Variants in QRFPR observed in about 807,000 individuals in gnomAD.
QRFPR encodes the protein pyroglutamylated RF-amide peptide receptor.
In QRFPR, 37 loss-of-function variants were observed where a neutral mutation model predicts 31.3. That is an observed-to-expected ratio of 1.18 (90% CI 0.91 to 1.56). The LOEUF is 1.56. QRFPR is among the 40% of genes most tolerant of loss of function. The pLI, the probability that QRFPR is intolerant of heterozygous loss-of-function variation, is 0.00. For synonymous variants in QRFPR, 197 were observed against 192.0 expected (o/e 1.03, Z -0.22); for missense variants, 542 against 532.5 (o/e 1.02, Z -0.18).
rs1262484473 is a variant in QRFPR at position 121,329,466 on chromosome 4, G to C, written c.1144C>G (p.Pro382Ala). Residue 382 changes from proline (P) to alanine (A), a missense_variant, in exon 6 of 6, where the codon CCA becomes GCA. Pro to Ala is a conservative substitution (Grantham distance 27). Transcript: ENST00000394427. Reference sequence around the variant, plus strand: ...GCTTCTCCTTTGGTTTCCTCCACTGGATTCTCTCTGAGGGAAAACTTTGCT... The same window carrying C: ...GCTTCTCCTTTGGTTTCCTCCACTGCATTCTCTCTGAGGGAAAACTTTGCT... ...KKAKFSLREN[P>A]VEETKGEAFS... 1 of 1,614,068 alleles carries C rather than the reference G, an allele frequency of 6.2e-7. No homozygotes were observed. The highest frequency in any genetic ancestry group is 8.5e-7 in the Non-Finnish European group (1 of 1,179,996).
At chr4:121,346,210 T>C (rs1725645903) in intron 1 of QRFPR, among the ~76,000 whole-genome samples, 1 of 152,228 alleles carries the variant, frequency 6.6e-6, no homozygotes, top group Non-Finnish European at 1.5e-5. Flanking sequence ...CTTAATTTCA[T>C]GTGCCAAATA....
At chr4:121,377,764 G>A (rs1054613090) in intron 1 of QRFPR, among the ~76,000 whole-genome samples, 6 of 152,152 alleles carry the variant, frequency 3.9e-5, no homozygotes, top group African/African-American at 1.4e-4. Context: ...GGTCCTGAAG[G>A]GCACAGATAG....
rs969433220 is a variant in QRFPR, at chr4:121,377,481, C to A, written c.340+2827G>T. 2.0e-5 allele frequency among the ~76,000 whole-genome samples: 3 copies of A among 152,014 alleles called. No homozygotes were observed. In the South Asian group the frequency reaches 6.2e-4, roughly 32 times the overall value. ...ATTTCCTGCCATTCCCCACATATAA[C>A]CTGTGCATTCTTGCAATGCCTTGCA... On this transcript the variant is annotated intron_variant, in intron 1 of 5. Coordinates refer to ENST00000394427, the MANE Select transcript of QRFPR (RefSeq NM_198179.3).
intron 3 of QRFPR, among the ~76,000 whole-genome samples, chr4:121,334,983 T>A (rs1335228835): frequency 1.3e-5 from 2 of 152,142 alleles, no homozygotes; most frequent in Non-Finnish European, 2.9e-5. Flanking sequence ...CCTCAGGAAG[T>A]CTTTGCTTGT....
At chr4:121,358,669 G>A (rs558000126) in intron 1 of QRFPR, among the ~76,000 whole-genome samples, 18 of 152,202 alleles carry the variant, frequency 1.2e-4, no homozygotes, top group Non-Finnish European at 2.5e-4. Context: ...TCATAAACTT[G>A]TGGTGTTTTG....
chr4:121,380,697 TC>T lies in QRFPR; in HGVS notation c.-51del, dbSNP rs1726476610. 1 of 1,452,634 alleles carries T rather than the reference TC, an allele frequency of 6.9e-7. No homozygotes were observed. Among genetic ancestry groups the T allele is most frequent in the East Asian group, 2.5e-5 (1 of 40,264 alleles). 90.0% of individuals were successfully genotyped at this position (1,452,634 alleles called of 1,614,324 possible). A position where few individuals can be genotyped will look rare whatever the true frequency, so the allele number is the denominator to read the frequency against. The stretch of plus-strand genomic sequence containing the variant: ...GCCACCGCCCGCTACTGGCTGGCCA[TC>T]CGCATCTGCGGGGCAGCGAGGGCTT... On this transcript the variant is annotated 5_prime_UTR_variant, in exon 1 of 6. The change abolishes the stop of an existing upstream ORF in the 5' untranslated region. Coordinates refer to ENST00000394427, the MANE Select transcript of QRFPR (RefSeq NM_198179.3).
At chr4:121,351,305 T>C (rs553245701) in intron 1 of QRFPR, among the ~76,000 whole-genome samples, 2 of 152,322 alleles carry the variant, frequency 1.3e-5, no homozygotes, top group South Asian at 2.1e-4. Context: ...CCACAGCTCA[T>C]ATGAATTCTG....
chr4:121,375,507 T>C (rs547818702), intron 1 of QRFPR, among the ~76,000 whole-genome samples: 2 of 152,334 alleles, frequency 1.3e-5, no homozygotes, highest in South Asian at 4.1e-4. Context: ...CATAGTGCCA[T>C]TAATAATACT....
At chr4:121,353,249 G>A (rs962984194) in intron 1 of QRFPR, among the ~76,000 whole-genome samples, 3 of 152,010 alleles carry the variant, frequency 2.0e-5, no homozygotes, top group Non-Finnish European at 4.4e-5. Flanking sequence ...GGGACTGCTG[G>A]ATTGTATGGT....
rs1452117697 is a variant in QRFPR at position 121,380,732 on chromosome 4, C to T, written c.-85G>A. 4.7e-6 allele frequency: 6 copies of T among 1,274,490 alleles called. No homozygotes were observed. The highest frequency in any genetic ancestry group is 5.6e-5 in the Admixed American group (2 of 35,500). 78.9% of individuals were successfully genotyped at this position (1,274,490 alleles called of 1,614,324 possible). The stretch of plus-strand genomic sequence containing the variant: ...CGGGGCAGCGAGGGCTTCGGGGGAC[C>T]AGCCGGAGGCCGCCTCCCTTCCTCT... On this transcript the variant is annotated 5_prime_UTR_variant, in exon 1 of 6. Transcript: ENST00000394427.
intron 1 of QRFPR, among the ~76,000 whole-genome samples, chr4:121,357,698 G>C (rs1725898165): frequency 1.3e-5 from 2 of 152,166 alleles, no homozygotes; most frequent in Admixed American, 1.3e-4. Flanking sequence ...GTGAATTTTA[G>C]GGCATGCTTG....
chr4:121,342,708 A>AT (rs71599122), intron 1 of QRFPR, among the ~76,000 whole-genome samples: 39,179 of 151,844 alleles, frequency 0.26, 5,717 homozygotes, highest in Non-Finnish European at 0.34. Flanking sequence ...ATTTTTGTCT[A>AT]TTTTTTTCGC....
At chr4:121,333,459 T>G (rs1182407323) in intron 3 of QRFPR, among the ~76,000 whole-genome samples, 1 of 152,238 alleles carries the variant, frequency 6.6e-6, no homozygotes, top group African/African-American at 2.4e-5. Context: ...CTTCTTCAAT[T>G]GTTGAGACAG....
intron 1 of QRFPR, among the ~76,000 whole-genome samples, chr4:121,370,720 A>T (rs79143698): frequency 0.017 from 2,601 of 152,348 alleles, 66 homozygotes; most frequent in East Asian, 0.11. Flanking sequence ...TAAAACGTTA[A>T]CATATTTTCA....
intron 1 of QRFPR, among the ~76,000 whole-genome samples, chr4:121,355,731 T>A (rs908670722): frequency 6.6e-6 from 1 of 152,084 alleles, no homozygotes; most frequent in Non-Finnish European, 1.5e-5. Context: ...ACTTTTGATA[T>A]ATCCCGTAGG....
At chr4:121,379,221 TCTGA>T (rs747140384) in intron 1 of QRFPR, among the ~76,000 whole-genome samples, 7 of 152,212 alleles carry the variant, frequency 4.6e-5, no homozygotes, top group East Asian at 1.9e-4. Context: ...ACTTTAACAT[TCTGA>T]CTGACTAACA....
At position 121,329,495 on chromosome 4, in the gene QRFPR, T is replaced by C. The variant is rs773459444; in HGVS notation, c.1115A>G (p.Lys372Arg). 1 of 1,614,174 alleles carries C rather than the reference T, an allele frequency of 6.2e-7. No individual in the cohort carries two copies. Among genetic ancestry groups the C allele is most frequent in the Admixed American group, 1.7e-5 (1 of 60,034 alleles). Residue 372 changes from lysine (K) to arginine (R), a missense_variant, in exon 6 of 6, where the codon AAG becomes AGG. Coordinates refer to ENST00000394427, the MANE Select transcript of QRFPR (RefSeq NM_198179.3). ...HGNSGITMMRKKAKFSLRENP... is the reference protein window; with the variant it reads ...HGNSGITMMRRKAKFSLRENP... The stretch of plus-strand genomic sequence containing the variant: ...CTCTCTGAGGGAAAACTTTGCTTTC[T>C]TCCGCATCATTGTAATTCCTGAATT...
intron 1 of QRFPR, among the ~76,000 whole-genome samples, chr4:121,374,008 C>T (rs1021884600): frequency 2.6e-5 from 4 of 152,144 alleles, no homozygotes; most frequent in African/African-American, 7.2e-5. Context: ...CGCCCACATC[C>T]GCTGTGGCCC....
chr4:121,354,173 G>A (rs2110476106), intron 1 of QRFPR, among the ~76,000 whole-genome samples: 1 of 152,100 alleles, frequency 6.6e-6, no homozygotes, highest in South Asian at 2.1e-4. Flanking sequence ...TTTTGCTCGG[G>A]ATGGCTTTGG....
Sources: gnomAD v4.1 joint callset for allele counts (sites outside exome capture counted in the v4.1 genomes callset) on GRCh38, gnomAD v4.1.1 for gene constraint, MANE v1.5 for transcripts, NCBI Gene and HGNC (gene_info 2026-07-23, HGNC 2026-07-21) for gene names.